IL31RA: variants seen among roughly 807,000 people sequenced by gnomAD.
IL31RA encodes interleukin-31 receptor subunit alpha.
IL31RA carries 66 observed loss-of-function variants against 83.7 expected under a neutral mutation model. The observed-to-expected ratio is 0.79, with a 90% CI of 0.65 to 0.97. The LOEUF (loss-of-function observed/expected upper bound fraction) is 0.97. Among genes scored for constraint, IL31RA ranks in the 50% least tolerant of loss-of-function variants. The pLI, the probability that IL31RA is intolerant of heterozygous loss-of-function variation, is 0.00. For synonymous variants in IL31RA, 325 were observed against 329.0 expected (o/e 0.99, Z 0.13); for missense variants, 798 against 919.4 (o/e 0.87, Z 1.71).
At chr5:55,913,674 GTTCA>G (rs1749629312) in intron 13 of IL31RA, 104 bp downstream of exon 13, 2 of 774,828 alleles carry the variant, frequency 2.6e-6, no homozygotes, top group Non-Finnish European at 4.7e-6. Context: ...ATTAAGGGGT[GTTCA>G]TTCATTTATT....
chr5:55,839,906 T>A, the IL31RA span: 1 of 697,506 alleles, frequency 1.4e-6, no homozygotes, highest in Non-Finnish European at 2.7e-6. Flanking sequence ...ACGAATACCT[T>A]GAGCCTTATT....
At chr5:55,846,450 T>A (rs943761920), upstream of IL31RA, among the ~76,000 whole-genome samples, 9 of 152,236 alleles carry the variant, frequency 5.9e-5, no homozygotes, top group African/African-American at 2.2e-4. Flanking sequence ...TAAATTCTAA[T>A]CTTGGCTCTG....
Position 55,903,836 on chromosome 5 carries a change from C to T in IL31RA, c.1070-2270C>T, listed in dbSNP as rs1395390572. On this transcript the variant is annotated intron_variant, in intron 8 of 14. Coordinates refer to ENST00000652347, the MANE Select transcript of IL31RA (RefSeq NM_139017.7). The surrounding 1 kb of genome is among the most constrained non-coding windows in gnomAD (Gnocchi z 4.7). ...GGCTGCCAAAACGAAGCACTGCAGA[C>T]TGGGGGGCTTCAAACAACAGAACTT... 6.6e-6 allele frequency among the ~76,000 whole-genome samples: 1 copy of T among 152,206 alleles called. No individual in the cohort carries two copies. The highest frequency in any genetic ancestry group is 1.5e-5 in the Non-Finnish European group (1 of 68,028).
In IL31RA at chr5:55,905,979, G is replaced by A; in HGVS notation, c.1070-127G>A. 7 of 894,936 alleles carry A rather than the reference G, an allele frequency of 7.8e-6. No homozygotes were observed. The South Asian group carries it at 9.3e-5, about 12-fold the overall frequency. The allele number at this position is 894,936 out of a possible 1,614,324, so 55.4% of individuals were successfully genotyped here. A position where few individuals can be genotyped will look rare whatever the true frequency, so the allele number is the denominator to read the frequency against. ...GGGAGTGAAAAGAGCCCCATCCGGG[G>A]AGGCTGCAGTGGAGATCCTGAACTT... On this transcript the variant is annotated intron_variant, in intron 8 of 14. Transcript: ENST00000652347.
At chr5:55,871,655 G>A (rs62361931) in intron 3 of IL31RA, among the ~76,000 whole-genome samples, 4 of 152,074 alleles carry the variant, frequency 2.6e-5, no homozygotes, top group Admixed American at 6.6e-5. Flanking sequence ...CCACTGCCAA[G>A]GGTAACAGCT....
chr5:55,873,226 A>G (rs1057434697), intron 4 of IL31RA, among the ~76,000 whole-genome samples: 2 of 152,266 alleles, frequency 1.3e-5, no homozygotes, highest in East Asian at 3.9e-4. Flanking sequence ...ATGTTGTAGC[A>G]TGTATTAGTG....
intron 1 of IL31RA, among the ~76,000 whole-genome samples, chr5:55,857,697 G>C (rs1437303008): frequency 6.6e-6 from 1 of 152,174 alleles, no homozygotes; most frequent in Admixed American, 6.5e-5. Flanking sequence ...AATATGACAT[G>C]AGAGTCCTCA....
At chr5:55,869,717 G>T (rs530888398) in intron 3 of IL31RA, among the ~76,000 whole-genome samples, 3 of 152,016 alleles carry the variant, frequency 2.0e-5, no homozygotes, top group Non-Finnish European at 2.9e-5. Context: ...CAAGTGATCC[G>T]CCCACCTCAG....
At chr5:55,908,625 G>A in intron 11 of IL31RA, 3 of 1,548,552 alleles carry the variant, frequency 1.9e-6, no homozygotes, top group Non-Finnish European at 2.6e-6. Context: ...GTACCTGAGA[G>A]GAGAGTCCTG....
intron 6 of IL31RA, among the ~76,000 whole-genome samples, chr5:55,893,896 C>T (rs1748173031): frequency 6.6e-6 from 1 of 151,076 alleles, no homozygotes; most frequent in Non-Finnish European, 1.5e-5. Flanking sequence ...ACTGCAGCCT[C>T]CGCCTCCCAG....
intron 2 of IL31RA, among the ~76,000 whole-genome samples, chr5:55,860,508 A>G (rs1041708990): frequency 6.6e-6 from 1 of 152,262 alleles, no homozygotes; most frequent in African/African-American, 2.4e-5. Context: ...GGGAACTACT[A>G]TAATAGGAAG....
chr5:55,881,941 G>A (rs1747265725), intron 4 of IL31RA, among the ~76,000 whole-genome samples: 2 of 151,922 alleles, frequency 1.3e-5, no homozygotes, highest in African/African-American at 4.8e-5. Context: ...TTGAACCCCT[G>A]ACCTCCTGAT....
chr5:55,870,331 G>C (rs1189829645), intron 3 of IL31RA, among the ~76,000 whole-genome samples: 1 of 152,172 alleles, frequency 6.6e-6, no homozygotes, highest in Non-Finnish European at 1.5e-5. Flanking sequence ...GGCTGTGCAA[G>C]ATCAAGAGAT....
rs901592872 is a variant in IL31RA at position 55,900,267 on chromosome 5, G to A, written c.1069+135G>A. The A allele has an allele frequency of 1.3e-4, 94 of 720,366 alleles. No individual in the cohort carries two copies. The Admixed American group carries it at 1.9e-3, about 14-fold the overall frequency. The allele number at this position is 720,366 out of a possible 1,614,324, so 44.6% of individuals were successfully genotyped here. A position where few individuals can be genotyped will look rare whatever the true frequency, so the allele number is the denominator to read the frequency against. Reference sequence around the variant, plus strand: ...GAGTGGGAACCTTTTAGGTTGTGGTGAAGCAATGAGAATTTGCTGGTAATT... The same window carrying A: ...GAGTGGGAACCTTTTAGGTTGTGGTAAAGCAATGAGAATTTGCTGGTAATT... On this transcript the variant is annotated intron_variant, in intron 8 of 14. Transcript: ENST00000652347.
the IL31RA span, among the ~76,000 whole-genome samples, chr5:55,841,841 G>A: frequency 1.3e-5 from 2 of 151,810 alleles, no homozygotes; most frequent in African/African-American, 4.8e-5. Flanking sequence ...CCACAGAAAT[G>A]TATTCTCTCA....
chr5:55,842,618 C>T, the IL31RA span, among the ~76,000 whole-genome samples: 1 of 152,228 alleles, frequency 6.6e-6, no homozygotes, highest in African/African-American at 2.4e-5. Context: ...TTGCCTTTCC[C>T]ATTTCCCATA....
rs533655135 is a variant in IL31RA at position 55,916,942 on chromosome 5, G to A, written c.2117G>A (p.Arg706Lys). The change falls in exon 15 of 15, where the codon AGG becomes AAG. Residue 706 changes from arginine to lysine, a missense_variant. By Grantham distance (26) the Arg-to-Lys change is conservative. Coordinates refer to ENST00000652347, the MANE Select transcript of IL31RA (RefSeq NM_139017.7). ...PPRKSQYLRS[R>K]MPEGTRPEAK... Reference sequence around the variant, plus strand: ...AGAAAATCCCAATACCTACGTTCGAGGATGCCAGAGGGGACCCGCCCAGAA... The same window carrying A: ...AGAAAATCCCAATACCTACGTTCGAAGATGCCAGAGGGGACCCGCCCAGAA... 1 of 1,613,716 alleles carries A rather than the reference G, an allele frequency of 6.2e-7. No individual in the cohort carries two copies. Among genetic ancestry groups the A allele is most frequent in the East Asian group, 2.2e-5 (1 of 44,864 alleles).
rs1296118233 is a variant in IL31RA, at chr5:55,922,666, C to A, written c.*5546C>A. On this transcript the variant is annotated 3_prime_UTR_variant, in exon 15 of 15. Coordinates refer to ENST00000652347, the MANE Select transcript of IL31RA (RefSeq NM_139017.7). ...AACATGGTTATGGTAATAGGAACAG[C>A]TTTTAAAATGCTTTTGTATTTGGGC... The A allele has an allele frequency of 2.0e-6, 1 of 499,484 alleles. No homozygotes were observed. The highest frequency in any genetic ancestry group is 3.5e-6 in the Non-Finnish European group (1 of 284,400). 30.9% of individuals were successfully genotyped at this position (499,484 alleles called of 1,614,324 possible). A position where few individuals can be genotyped will look rare whatever the true frequency, so the allele number is the denominator to read the frequency against.
intron 1 of IL31RA, among the ~76,000 whole-genome samples, chr5:55,851,956 T>G (rs990376932): frequency 2.6e-5 from 4 of 152,328 alleles, no homozygotes; most frequent in African/African-American, 9.6e-5. Context: ...ATAATTTTTG[T>G]GGAGTTTCCT....
Sources: gnomAD v4.1 joint callset for allele counts (sites outside exome capture counted in the v4.1 genomes callset) on GRCh38, gnomAD v4.1.1 for gene constraint, Gnocchi (gnomAD v3.1) non-coding constraint, MANE v1.5 for transcripts, NCBI Gene and HGNC (gene_info 2026-07-23, HGNC 2026-07-21) for gene names.